The following APOO variants were observed in gnomAD, a reference collection of about 807,000 sequenced individuals.
APOO encodes the protein MICOS complex subunit MIC26.
In APOO, 11 loss-of-function variants were observed where a neutral mutation model predicts 23.1. The ratio of observed to expected loss-of-function variants is 0.48; its 90% CI spans 0.30 to 0.79. The LOEUF (loss-of-function observed/expected upper bound fraction) is 0.79, where lower values mean the gene tolerates loss of function less well. Among genes scored for constraint, APOO ranks in the 30% least tolerant of loss-of-function variants. The probability of loss-of-function intolerance (pLI) is 0.07; values close to 1 mark genes in which losing one functional copy is unlikely to be tolerated. For missense variants in APOO, 160 were observed against 142.7 expected (o/e 1.12, Z -0.62); for synonymous variants, 59 against 54.8 (o/e 1.08, Z -0.34).
intron 8 of APOO, 190 bp downstream of exon 8, chrX:23,840,123 G>C: frequency 3.4e-6 from 1 of 293,131 alleles, no homozygotes. Flanking sequence ...AAAAAACCCA[G>C]GTAACATTAG....
chrX:23,874,303 A>G (rs1375803637), intron 4 of APOO, 100 bp downstream of exon 4: 1 of 735,414 alleles, frequency 1.4e-6, no homozygotes, highest in Non-Finnish European at 2.1e-6. Flanking sequence ...ATATAATTTT[A>G]AGGAATACAC....
intron 8 of APOO, among the ~76,000 whole-genome samples, chrX:23,835,639 T>C (rs1923626554): frequency 9.0e-6 from 1 of 111,133 alleles, no homozygotes; most frequent in African/African-American, 3.3e-5. Context: ...CTCTATTAAG[T>C]ACTGACAGGG....
rs1926093744 is a variant in APOO at position 23,880,944 on chromosome X, C to A, written c.18G>T (p.Gln6His). 8.6e-7 allele frequency: 1 copy of A among 1,167,276 alleles called. No homozygotes were observed. The highest frequency in any genetic ancestry group is 2.0e-5 in the South Asian group (1 of 49,877). MFKVI[Q>H]RSVGPASLSL... ...TCAGGCTGGCTGGCCCCACGGACCT[C>A]TGAATTACCTGAAATGCAGAAGCAA... The change falls in exon 2 of 9, where the codon CAG (glutamine) becomes CAT (histidine). Residue 6 changes from glutamine to histidine, a missense_variant. Transcript: ENST00000379226.
intron 7 of APOO, among the ~76,000 whole-genome samples, chrX:23,850,147 T>C (rs1387627564): frequency 2.7e-5 from 3 of 112,072 alleles, no homozygotes; most frequent in Non-Finnish European, 3.8e-5. Flanking sequence ...AAATAAAATA[T>C]ACTCGTGTGT....
At chrX:23,840,279 C>A (rs1489461832) in intron 8 of APOO, 34 bp downstream of exon 8, 3 of 984,194 alleles carry the variant, frequency 3.0e-6, no homozygotes, top group Non-Finnish European at 4.1e-6. Context: ...CACTACAATG[C>A]TGAAAATAAT....
chrX:23,896,596 C>T (rs753330851), intron 1 of APOO, among the ~76,000 whole-genome samples: 119 of 111,490 alleles, frequency 1.1e-3, no homozygotes, highest in African/African-American at 3.8e-3. Flanking sequence ...CATACTTTAA[C>T]AATAACAATA....
chrX:23,842,081 A>T (rs1601881315), intron 7 of APOO, among the ~76,000 whole-genome samples: 1 of 111,390 alleles, frequency 9.0e-6, no homozygotes, highest in East Asian at 2.8e-4. Context: ...ACACTATTCA[A>T]ATATTTGTTG....
chrX:23,889,888 T>C (rs182539016), intron 1 of APOO, among the ~76,000 whole-genome samples: 4,210 of 109,540 alleles, frequency 0.038, 144 homozygotes, highest in Admixed American at 0.14. Flanking sequence ...GTCTCAATCT[T>C]CTGACCTCGT....
intron 1 of APOO, among the ~76,000 whole-genome samples, chrX:23,896,004 T>C (rs1286170241): frequency 9.0e-6 from 1 of 110,998 alleles, no homozygotes; most frequent in Non-Finnish European, 1.9e-5. Context: ...GCGCAGTGGC[T>C]CATGCCTGTA....
chrX:23,872,206 C>T (rs980227846), intron 4 of APOO, among the ~76,000 whole-genome samples: 3 of 110,978 alleles, frequency 2.7e-5, no homozygotes, highest in Middle Eastern at 4.2e-3. Flanking sequence ...TAAGACTGTA[C>T]GGAGTCTGGG....
At chrX:23,839,574 A>G (rs182735737) in intron 8 of APOO, among the ~76,000 whole-genome samples, 243 of 112,203 alleles carry the variant, frequency 2.2e-3, no homozygotes, top group South Asian at 5.1e-3. Flanking sequence ...CTGATTATAA[A>G]ATGCATACTC....
At chrX:23,904,916 C>T (rs1244283162) in intron 1 of APOO, among the ~76,000 whole-genome samples, 1 of 111,154 alleles carries the variant, frequency 9.0e-6, no homozygotes, top group Non-Finnish European at 1.9e-5. Flanking sequence ...TGAAAGCATC[C>T]TAACATAGCC....
At chrX:23,876,211 C>T (rs1009038890) in intron 3 of APOO, among the ~76,000 whole-genome samples, 2 of 109,843 alleles carry the variant, frequency 1.8e-5, no homozygotes, top group Non-Finnish European at 3.8e-5. Flanking sequence ...TGCGGTGAGC[C>T]GAGATCGCGC....
In APOO at chrX:23,878,939, G is replaced by A. The variant is rs199760059; in HGVS notation, c.213C>T (p.Cys71=). 1.1e-4 allele frequency: 130 copies of A among 1,208,788 alleles called. 1 individual carries two copies. The East Asian group carries it at 3.5e-3, about 32-fold the overall frequency. ...CCTGACACCAGGTTGTGTATGGCTC[G>A]CAATAGTGTCGGAGCTGTGAGATGC... ...EESISQLRHY[C]EPYTTWCQET... The change falls in exon 3 of 9, where the codon TGC becomes TGT. Residue 71 remains cysteine, a synonymous_variant. Coordinates refer to ENST00000379226, the MANE Select transcript of APOO (RefSeq NM_024122.5).
At chrX:23,862,273 C>G (rs1233495649) in intron 5 of APOO, among the ~76,000 whole-genome samples, 2 of 109,951 alleles carry the variant, frequency 1.8e-5, no homozygotes, top group Non-Finnish European at 3.8e-5. Flanking sequence ...TTAAAAGCCA[C>G]TACATTAAAA....
intron 4 of APOO, among the ~76,000 whole-genome samples, chrX:23,870,105 C>T (rs1306818771): frequency 9.0e-6 from 1 of 111,698 alleles, no homozygotes; most frequent in East Asian, 2.8e-4. Flanking sequence ...CTGTTGATCG[C>T]TGTTGATGGT....
At chrX:23,854,027 A>T (rs772134715) in intron 7 of APOO, among the ~76,000 whole-genome samples, 18 of 111,942 alleles carry the variant, frequency 1.6e-4, no homozygotes, top group African/African-American at 5.5e-4. Flanking sequence ...GTTCTCAATG[A>T]CTCTGAAGAA....
At chrX:23,861,286 C>A (rs1050257703) in intron 5 of APOO, among the ~76,000 whole-genome samples, 3 of 110,308 alleles carry the variant, frequency 2.7e-5, no homozygotes, top group African/African-American at 6.6e-5. Flanking sequence ...CTCTTGAGAT[C>A]TGGTTGTTTA....
intron 5 of APOO, among the ~76,000 whole-genome samples, chrX:23,859,616 T>A (rs1361752782): frequency 9.0e-6 from 1 of 111,233 alleles, no homozygotes; most frequent in Non-Finnish European, 1.9e-5. Flanking sequence ...GCTAATTTTG[T>A]ATTTTTAGTA....
Sources: allele counts gnomAD v4.1 joint callset (sites outside exome capture counted in the v4.1 genomes callset), GRCh38; gene constraint gnomAD v4.1.1; transcripts MANE v1.5; gene names NCBI Gene and HGNC (gene_info 2026-07-23, HGNC 2026-07-21).